The following EYA4 variants were observed in gnomAD, a reference collection of about 807,000 sequenced individuals.
EYA4 encodes EYA transcriptional coactivator and phosphatase 4, also known as protein phosphatase EYA4.
Under a neutral mutation model 87.9 loss-of-function variants are expected in EYA4, and 31 were observed. The observed-to-expected ratio is 0.35, with a 90% CI of 0.27 to 0.48. EYA4 has a LOEUF of 0.48. EYA4 is among the 20% of genes least tolerant of loss of function. The pLI is 0.99. For synonymous variants in EYA4, 263 were observed against 270.6 expected (o/e 0.97, Z 0.28); for missense variants, 678 against 761.4 (o/e 0.89, Z 1.29).
At position 133,530,462 on chromosome 6, in the gene EYA4, A is replaced by C; in HGVS notation, c.*1657A>C. 1.0e-6 allele frequency: 1 copy of C among 985,748 alleles called. No individual in the cohort carries two copies. The highest frequency in any genetic ancestry group is 1.2e-6 in the Non-Finnish European group (1 of 829,930). 61.1% of individuals were successfully genotyped at this position (985,748 alleles called of 1,614,324 possible). A position where few individuals can be genotyped will look rare whatever the true frequency, so the allele number is the denominator to read the frequency against. ...ACTAGAGTATTTTTATGGTGTCTGC[A>C]CCTGCAGTTCTGTGTTTAAAATGTC... is the stretch of plus-strand genomic sequence containing the variant. On this transcript the variant is annotated 3_prime_UTR_variant, in exon 20 of 20. Coordinates refer to ENST00000355286, the MANE Select transcript of EYA4 (RefSeq NM_004100.5).
chr6:133,479,674 G>C (rs1796041456), intron 11 of EYA4, among the ~76,000 whole-genome samples: 1 of 151,872 alleles, frequency 6.6e-6, no homozygotes, highest in Admixed American at 6.6e-5. Context: ...CTTCTGTCTT[G>C]GAAATTGTCA....
At chr6:133,369,177 A>T (rs1785077180) in intron 2 of EYA4, among the ~76,000 whole-genome samples, 2 of 152,224 alleles carry the variant, frequency 1.3e-5, no homozygotes, top group Admixed American at 1.3e-4. Flanking sequence ...GTTGGAAGAT[A>T]CTGTTTTCTT....
At chr6:133,258,477 C>G (rs1392893064) in intron 1 of EYA4, among the ~76,000 whole-genome samples, 1 of 152,086 alleles carries the variant, frequency 6.6e-6, no homozygotes, top group African/African-American at 2.4e-5. Flanking sequence ...ATTTTTTGAT[C>G]GAACTGCTGG....
At chr6:133,325,450 A>T (rs2128367736) in intron 2 of EYA4, 1 of 152,310 alleles carries the variant, frequency 6.6e-6, no homozygotes, top group East Asian at 1.9e-4. Context: ...AATAATATAT[A>T]CATAGGGAGA....
chr6:133,442,921 T>C (rs1367224678), intron 3 of EYA4, among the ~76,000 whole-genome samples: 2 of 152,102 alleles, frequency 1.3e-5, no homozygotes, highest in African/African-American at 2.4e-5. Context: ...TATGTTAATA[T>C]ATTGAATTAC....
At chr6:133,518,561 T>C (rs958373190) in intron 17 of EYA4, among the ~76,000 whole-genome samples, 3 of 152,158 alleles carry the variant, frequency 2.0e-5, no homozygotes, top group East Asian at 3.9e-4. Context: ...AAAATTAACT[T>C]ACCCTCTGAC....
chr6:133,452,199 G>C (rs1442960603), intron 5 of EYA4, among the ~76,000 whole-genome samples: 1 of 152,044 alleles, frequency 6.6e-6, no homozygotes, highest in Non-Finnish European at 1.5e-5. Flanking sequence ...GAAATTCTTT[G>C]TAGAAACTAA....
At chr6:133,326,347 C>A (rs371084645) in intron 2 of EYA4, among the ~76,000 whole-genome samples, 61 of 152,258 alleles carry the variant, frequency 4.0e-4, no homozygotes, top group African/African-American at 1.4e-3. Context: ...CTTTGAGCAT[C>A]AATATGACTG....
Position 133,456,590 on chromosome 6 carries a change from C to T in EYA4, c.312C>T (p.Asn104=). Residue 104 remains asparagine (N), a synonymous_variant, in exon 6 of 20, where the codon AAC becomes AAT. Coordinates refer to ENST00000355286, the MANE Select transcript of EYA4 (RefSeq NM_004100.5). ...TTGCAGTCAAAACAGAGCCCTTGAACAGCAGTGAAACCACAGCCACGACTG... is the reference window on the plus strand; with the variant it reads ...TTGCAGTCAAAACAGAGCCCTTGAATAGCAGTGAAACCACAGCCACGACTG... ...SLLAVKTEPL[N]SSETTATTGD... is the part of the protein sequence containing the mutation. The T allele has an allele frequency of 6.2e-7, 1 of 1,613,528 alleles. No homozygotes were observed. The highest frequency in any genetic ancestry group is 8.5e-7 in the Non-Finnish European group (1 of 1,179,508).
At chr6:133,495,946 T>C (rs1442733980) in intron 13 of EYA4, among the ~76,000 whole-genome samples, 1 of 152,238 alleles carries the variant, frequency 6.6e-6, no homozygotes, top group Non-Finnish European at 1.5e-5. Flanking sequence ...TAATAGTCTT[T>C]GAGAAAAGGC....
At chr6:133,522,930 G>A in intron 17 of EYA4, 126 bp from the exon 18 acceptor site, 2 of 751,786 alleles carry the variant, frequency 2.7e-6, no homozygotes, top group Non-Finnish European at 2.3e-6. Context: ...CTGCTGATAG[G>A]CAATAGTAAT....
At chr6:133,277,847 C>A (rs1034087130) in intron 2 of EYA4, among the ~76,000 whole-genome samples, 6 of 152,222 alleles carry the variant, frequency 3.9e-5, no homozygotes, top group African/African-American at 1.4e-4. Flanking sequence ...CATCTCAAAG[C>A]TTTGTCCACT....
At chr6:133,346,153 A>G (rs1783174592) in intron 2 of EYA4, among the ~76,000 whole-genome samples, 1 of 152,168 alleles carries the variant, frequency 6.6e-6, no homozygotes, top group South Asian at 2.1e-4. Flanking sequence ...GATTGAAGTG[A>G]TTGGTTTATA....
At chr6:133,425,446 A>G (rs1790587495) in intron 3 of EYA4, among the ~76,000 whole-genome samples, 1 of 150,138 alleles carries the variant, frequency 6.7e-6, no homozygotes, top group Non-Finnish European at 1.5e-5. Context: ...CACCCCCCCA[A>G]CCTCGCCATC....
chr6:133,529,264 A>T lies in EYA4; in HGVS notation c.*459A>T. ...GAATGCACTCAGACTGTATAAGGAC[A>T]GTCCTATTTAGACATGTAATTTGTG... On this transcript the variant is annotated 3_prime_UTR_variant, in exon 20 of 20. Transcript: ENST00000355286. 1 of 1,007,916 alleles carries T rather than the reference A, an allele frequency of 9.9e-7. No individual in the cohort carries two copies. The highest frequency in any genetic ancestry group is 1.7e-5 in the African/African-American group (1 of 57,916). The allele number at this position is 1,007,916 out of a possible 1,614,324, so 62.4% of individuals were successfully genotyped here. A position where few individuals can be genotyped will look rare whatever the true frequency, so the allele number is the denominator to read the frequency against.
At chr6:133,347,289 T>C (rs1783269380) in intron 2 of EYA4, among the ~76,000 whole-genome samples, 1 of 152,246 alleles carries the variant, frequency 6.6e-6, no homozygotes, top group Middle Eastern at 3.2e-3. Context: ...CTTTTCCATT[T>C]CTCTTTACTA....
chr6:133,427,031 T>C (rs1389150584), intron 3 of EYA4, among the ~76,000 whole-genome samples: 2 of 152,248 alleles, frequency 1.3e-5, no homozygotes, highest in East Asian at 3.8e-4. Flanking sequence ...AGAGAATTTT[T>C]GTCTGTATTG....
chr6:133,271,537 T>G (rs1284054695), intron 1 of EYA4, among the ~76,000 whole-genome samples: 1 of 152,196 alleles, frequency 6.6e-6, no homozygotes, highest in Non-Finnish European at 1.5e-5. Flanking sequence ...ACAAACCTCT[T>G]CCCTTTCTAT....
chr6:133,332,724 T>TTC (rs1188258085), intron 2 of EYA4, among the ~76,000 whole-genome samples: 2 of 149,146 alleles, frequency 1.3e-5, no homozygotes, highest in African/African-American at 5.0e-5. Flanking sequence ...TTTTTTTTTT[T>TTC]TTTTTTTTTT....
Sources: gnomAD v4.1 joint callset for allele counts (sites outside exome capture counted in the v4.1 genomes callset) on GRCh38, gnomAD v4.1.1 for gene constraint, MANE v1.5 for transcripts, NCBI Gene and HGNC (gene_info 2026-07-23, HGNC 2026-07-21) for gene names.